TNR: variants seen among roughly 807,000 people sequenced by gnomAD.
TNR encodes the protein tenascin-R.
In TNR, 45 loss-of-function variants were observed where a neutral mutation model predicts 150.4. The observed-to-expected ratio is 0.30, with a 90% CI of 0.24 to 0.38. The LOEUF (loss-of-function observed/expected upper bound fraction) is 0.38, where lower values mean the gene tolerates loss of function less well. Ranked by LOEUF, TNR falls within the 10% of genes least tolerant of loss-of-function variation. The pLI, the probability that TNR is intolerant of heterozygous loss-of-function variation, is 1.00. For missense variants in TNR, 1,544 were observed against 1,759.1 expected (o/e 0.88, Z 2.19); for synonymous variants, 687 against 678.4 (o/e 1.01, Z -0.20).
intron 2 of TNR, among the ~76,000 whole-genome samples, chr1:175,413,559 A>T (rs564748037): frequency 6.6e-6 from 1 of 152,324 alleles, no homozygotes; most frequent in Admixed American, 6.5e-5. Flanking sequence ...GCTCGAGGGG[A>T]CTAGCAGAGC....
At chr1:175,354,957 A>T (rs1651248161) in intron 17 of TNR, among the ~76,000 whole-genome samples, 1 of 152,226 alleles carries the variant, frequency 6.6e-6, no homozygotes, top group Non-Finnish European at 1.5e-5. Flanking sequence ...CTTGAAAATC[A>T]GTGTTCTGGA....
intron 2 of TNR, among the ~76,000 whole-genome samples, chr1:175,415,303 G>A (rs1005880505): frequency 3.9e-5 from 6 of 152,294 alleles, no homozygotes; most frequent in African/African-American, 1.4e-4. Context: ...CTGGGCTGCT[G>A]GGAGAACTCG....
intron 1 of TNR, among the ~76,000 whole-genome samples, chr1:175,682,825 C>T (rs1666076903): frequency 1.3e-5 from 2 of 152,148 alleles, no homozygotes; most frequent in South Asian, 4.1e-4. Context: ...CCCCTGGGAC[C>T]CCACACGCAC....
intron 1 of TNR, among the ~76,000 whole-genome samples, chr1:175,604,436 C>A (rs1663349520): frequency 6.6e-6 from 1 of 152,186 alleles, no homozygotes; most frequent in African/African-American, 2.4e-5. Flanking sequence ...TAGGCCTGGT[C>A]TCAGCCTTCC....
intron 2 of TNR, among the ~76,000 whole-genome samples, chr1:175,485,233 A>G (rs929073): frequency 0.059 from 8,989 of 152,220 alleles, 539 homozygotes; most frequent in African/African-American, 0.15. Context: ...CTGATGGTGG[A>G]TTCACTGAGT....
At chr1:175,361,777 T>C (rs1278873538) in intron 14 of TNR, among the ~76,000 whole-genome samples, 1 of 152,202 alleles carries the variant, frequency 6.6e-6, no homozygotes, top group East Asian at 1.9e-4. Flanking sequence ...AGGTTTGGTC[T>C]AGGGTATGGG....
intron 1 of TNR, among the ~76,000 whole-genome samples, chr1:175,554,786 T>C (rs138619050): frequency 1.3e-5 from 2 of 152,326 alleles, no homozygotes; most frequent in Middle Eastern, 3.4e-3. Flanking sequence ...GTTTCTTCCA[T>C]TGTGAAATCC....
chr1:175,713,142 C>T (rs1204585745), intron 1 of TNR, among the ~76,000 whole-genome samples: 8 of 152,146 alleles, frequency 5.3e-5, no homozygotes, highest in Non-Finnish European at 1.0e-4. Context: ...TAAGTCTTTC[C>T]TATGAGGCTT....
intron 2 of TNR, among the ~76,000 whole-genome samples, chr1:175,496,785 A>G (rs1167591792): frequency 6.6e-6 from 1 of 152,244 alleles, no homozygotes; most frequent in Non-Finnish European, 1.5e-5. Context: ...ACATCTGTAT[A>G]GGGCTTACTG....
chr1:175,707,866 T>G lies in TNR; in HGVS notation c.-165+35360A>C, dbSNP rs138396893. Among the ~76,000 whole-genome samples, 12 of 152,318 alleles carry G rather than the reference T, an allele frequency of 7.9e-5. No homozygotes were observed. In the East Asian group the frequency reaches 2.1e-3, roughly 27 times the overall value. On this transcript the variant is annotated intron_variant, in intron 1 of 22. Coordinates refer to ENST00000367674, the MANE Select transcript of TNR (RefSeq NM_003285.3). Reference sequence around the variant, plus strand: ...GTTCCTTTTGTGATATCTCTGAGACTTCAAGTAATTGCCTAGGTTTGCTTT... The same window carrying G: ...GTTCCTTTTGTGATATCTCTGAGACGTCAAGTAATTGCCTAGGTTTGCTTT...
rs1558037565 is a variant in TNR, at chr1:175,613,612, C to T, written c.-164-85243G>A. ...GAGGACCTGTTGCTCTGCCCTGTTC[C>T]TTCCCTTGGTGCTGTGGGTGTGTCA... On this transcript the variant is annotated intron_variant, in intron 1 of 22. Coordinates refer to ENST00000367674, the MANE Select transcript of TNR (RefSeq NM_003285.3). Among the ~76,000 whole-genome samples, 3 of 152,172 alleles carry T rather than the reference C, an allele frequency of 2.0e-5. No individual in the cohort carries two copies. The South Asian group carries it at 6.2e-4, about 32-fold the overall frequency.
chr1:175,363,951 G>T (rs1056371581), intron 12 of TNR, 124 bp from the exon 13 acceptor site: 6 of 1,189,538 alleles, frequency 5.0e-6, no homozygotes, highest in South Asian at 1.7e-5. Context: ...ATCTTTCCAT[G>T]TAATAGGGTA....
intron 2 of TNR, among the ~76,000 whole-genome samples, chr1:175,500,511 G>T (rs1658688012): frequency 6.6e-6 from 1 of 152,214 alleles, no homozygotes. Flanking sequence ...GGCTGTGCGG[G>T]CAGGGAAAAC....
At chr1:175,447,139 C>G (rs1337999135) in intron 2 of TNR, among the ~76,000 whole-genome samples, 1 of 152,060 alleles carries the variant, frequency 6.6e-6, no homozygotes, top group Non-Finnish European at 1.5e-5. Context: ...AGCCCAGCAC[C>G]CTCATCTGGG....
At chr1:175,356,247 C>A in intron 16 of TNR, 72 bp downstream of exon 16, 2 of 1,580,742 alleles carry the variant, frequency 1.3e-6, no homozygotes, top group East Asian at 4.5e-5. Context: ...ATAATCTAGT[C>A]CACCACAAGA....
chr1:175,596,424 G>T (rs1317179729), intron 1 of TNR, among the ~76,000 whole-genome samples: 1 of 152,036 alleles, frequency 6.6e-6, no homozygotes, highest in Non-Finnish European at 1.5e-5. Context: ...GGCCTACCTG[G>T]CTCCCAGAAT....
rs1437119452 is a variant in TNR at position 175,322,286 on chromosome 1, A to G, written c.*1071T>C. On this transcript the variant is annotated 3_prime_UTR_variant, in exon 23 of 23. Transcript: ENST00000367674. ...CAGGCACATAGCCACTGTGCCACCCAGGGCCAGGAGCAGGCAATGCCTTGG... is the reference window on the plus strand; with the variant it reads ...CAGGCACATAGCCACTGTGCCACCCGGGGCCAGGAGCAGGCAATGCCTTGG... 6.6e-6 allele frequency: 1 copy of G among 152,270 alleles called. No homozygotes were observed. The highest frequency in any genetic ancestry group is 2.4e-5 in the African/African-American group (1 of 41,444). 9.4% of individuals were successfully genotyped at this position (152,270 alleles called of 1,614,324 possible). A position where few individuals can be genotyped will look rare whatever the true frequency, so the allele number is the denominator to read the frequency against.
chr1:175,515,160 T>C (rs1378995595), intron 2 of TNR, among the ~76,000 whole-genome samples: 2 of 152,238 alleles, frequency 1.3e-5, no homozygotes, highest in African/African-American at 4.8e-5. Context: ...GGTGTATTTA[T>C]TTATTCAGTC....
At chr1:175,616,207 T>G (rs971387985) in intron 1 of TNR, among the ~76,000 whole-genome samples, 1 of 152,146 alleles carries the variant, frequency 6.6e-6, no homozygotes, top group African/African-American at 2.4e-5. Context: ...CTCTGGGGGA[T>G]GCATTTTATC....
Sources: gnomAD v4.1 joint callset for allele counts (sites outside exome capture counted in the v4.1 genomes callset) on GRCh38, gnomAD v4.1.1 for gene constraint, MANE v1.5 for transcripts, NCBI Gene and HGNC (gene_info 2026-07-23, HGNC 2026-07-21) for gene names.